The following ADAMTS9 variants were observed in gnomAD, a reference collection of about 807,000 sequenced individuals.
ADAMTS9 encodes the protein ADAM metallopeptidase with thrombospondin type 1 motif 9, also known as A disintegrin and metalloproteinase with thrombospondin motifs 9.
In ADAMTS9, 107 loss-of-function variants were observed where a neutral mutation model predicts 257.1. The ratio of observed to expected loss-of-function variants is 0.42; its 90% CI spans 0.36 to 0.49. The LOEUF is 0.49. Ranked by LOEUF, ADAMTS9 falls within the 20% of genes least tolerant of loss-of-function variation. The pLI is 0.03. For missense variants in ADAMTS9, 2,353 were observed against 2,469.1 expected (o/e 0.95, Z 1.00); for synonymous variants, 982 against 880.9 (o/e 1.11, Z -2.03).
chr3:64,656,066 T>C, intron 4 of ADAMTS9, 191 bp from the exon 5 acceptor site: 1 of 491,300 alleles, frequency 2.0e-6, no homozygotes, highest in Non-Finnish European at 3.7e-6. Flanking sequence ...ATCACAGTTT[T>C]AGATAACAGT....
At chr3:64,625,066 G>A (rs956717983) in intron 16 of ADAMTS9, among the ~76,000 whole-genome samples, 11 of 152,122 alleles carry the variant, frequency 7.2e-5, no homozygotes, top group African/African-American at 2.4e-4. Flanking sequence ...TAGTGAGGAT[G>A]CCCTTGAAAG....
In ADAMTS9 at chr3:64,687,530, G is replaced by C. The variant is rs1462548126; in HGVS notation, c.115+13C>G. The C allele has an allele frequency of 1.3e-6, 2 of 1,520,988 alleles. No homozygotes were observed. Among genetic ancestry groups the C allele is most frequent in the Non-Finnish European group, 1.8e-6 (2 of 1,129,852 alleles). The allele number at this position is 1,520,988 out of a possible 1,614,324, so 94.2% of individuals were successfully genotyped here. On this transcript the variant is annotated intron_variant, in intron 1 of 39. Coordinates refer to ENST00000498707, the MANE Select transcript of ADAMTS9 (RefSeq NM_182920.2). The surrounding 1 kb of genome is among the most constrained non-coding windows in gnomAD (Gnocchi z 4.4). Reference sequence around the variant, plus strand: ...CGGGGCCGGCGGGGTCCCGGGGGCCGGAGCCTGGTTACCTTGCCTCGGGTG... The same window carrying C: ...CGGGGCCGGCGGGGTCCCGGGGGCCCGAGCCTGGTTACCTTGCCTCGGGTG...
intron 16 of ADAMTS9, among the ~76,000 whole-genome samples, chr3:64,624,783 A>G (rs1405262402): frequency 1.3e-5 from 2 of 152,202 alleles, no homozygotes; most frequent in African/African-American, 4.8e-5. Flanking sequence ...ATGGTCAAAT[A>G]CAAATAAATT....
intron 11 of ADAMTS9, among the ~76,000 whole-genome samples, chr3:64,647,388 T>C (rs534842001): frequency 6.6e-6 from 1 of 152,190 alleles, no homozygotes; most frequent in Non-Finnish European, 1.5e-5. Context: ...ATTTTGTTTA[T>C]CTATTAACAA....
intron 30 of ADAMTS9, 33 bp from the exon 31 acceptor site, chr3:64,551,095 C>A: frequency 6.2e-7 from 1 of 1,607,072 alleles, no homozygotes; most frequent in South Asian, 1.1e-5. Context: ...AAGAATAAAC[C>A]GTAGTTCCTT....
At chr3:64,540,880 C>T (rs1243917543) in intron 36 of ADAMTS9, among the ~76,000 whole-genome samples, 2 of 152,214 alleles carry the variant, frequency 1.3e-5, no homozygotes, top group African/African-American at 4.8e-5. Context: ...TTTCCAGGCA[C>T]TGGGGAATAC....
At chr3:64,526,553 A>G (rs57699290) in intron 38 of ADAMTS9, among the ~76,000 whole-genome samples, 10,051 of 152,222 alleles carry the variant, frequency 0.066, 1,200 homozygotes, top group Admixed American at 0.3. Flanking sequence ...TCTTCAGTGA[A>G]GAACTTTCTC....
intron 3 of ADAMTS9, among the ~76,000 whole-genome samples, chr3:64,675,566 C>T (rs1701605127): frequency 6.6e-6 from 1 of 152,114 alleles, no homozygotes; most frequent in Admixed American, 6.6e-5. Flanking sequence ...CTATAGTAAG[C>T]TATGATCGCG....
intron 38 of ADAMTS9, 50 bp downstream of exon 38, chr3:64,533,116 C>T (rs373342915): frequency 4.6e-6 from 7 of 1,519,644 alleles, no homozygotes; most frequent in South Asian, 4.6e-5. Context: ...AAGACAAGAA[C>T]GAAAGAAAGA....
chr3:64,533,749 C>A (rs2106895026), intron 37 of ADAMTS9, among the ~76,000 whole-genome samples: 1 of 152,350 alleles, frequency 6.6e-6, no homozygotes, highest in Admixed American at 6.5e-5. Flanking sequence ...GCGTACTAAG[C>A]ACAGCAGGGC....
intron 16 of ADAMTS9, among the ~76,000 whole-genome samples, chr3:64,629,630 A>T (rs557821209): frequency 1.3e-5 from 2 of 152,364 alleles, no homozygotes; most frequent in East Asian, 3.9e-4. Flanking sequence ...AGCAGCACTT[A>T]TCACTATAAC....
chr3:64,533,655 C>T (rs1250445736), intron 37 of ADAMTS9, among the ~76,000 whole-genome samples: 2 of 152,218 alleles, frequency 1.3e-5, no homozygotes, highest in African/African-American at 4.8e-5. Flanking sequence ...CCTTCAGGAA[C>T]AAAATGTCAC....
Position 64,687,021 on chromosome 3 carries a change from T to G in ADAMTS9, c.116-53A>C. ...CCAATAATTCATTTTTCCTTAAGCT[T>G]TAATTTAAAACGAAGGTGGGGACTT... On this transcript the variant is annotated intron_variant, in intron 1 of 39. Transcript: ENST00000498707. This position sits in a 1 kb window ranked among gnomAD's most constrained non-coding sequence, Gnocchi z 4.4. 1 of 1,555,708 alleles carries G rather than the reference T, an allele frequency of 6.4e-7. No individual in the cohort carries two copies. The highest frequency in any genetic ancestry group is 8.7e-7 in the Non-Finnish European group (1 of 1,152,120).
chr3:64,569,869 G>A (rs151325363), intron 28 of ADAMTS9, among the ~76,000 whole-genome samples: 47 of 152,206 alleles, frequency 3.1e-4, no homozygotes, highest in African/African-American at 1.1e-3. Flanking sequence ...TATACAGGAT[G>A]GAAGGAAGCC....
chr3:64,541,766 G>A, intron 33 of ADAMTS9, 72 bp downstream of exon 33: 1 of 1,590,932 alleles, frequency 6.3e-7, no homozygotes, highest in Non-Finnish European at 8.6e-7. Flanking sequence ...TCTAAAAAGG[G>A]CAGGCAATCA....
chr3:64,525,129 A>G (rs1012624587), intron 38 of ADAMTS9, among the ~76,000 whole-genome samples: 1 of 152,328 alleles, frequency 6.6e-6, no homozygotes, highest in South Asian at 2.1e-4. Context: ...ACCTTGTTAA[A>G]ACCTGGGAGT....
At chr3:64,585,833 T>G (rs2084134356) in intron 28 of ADAMTS9, among the ~76,000 whole-genome samples, 1 of 152,188 alleles carries the variant, frequency 6.6e-6, no homozygotes, top group African/African-American at 2.4e-5. Flanking sequence ...CTTGCTCTTT[T>G]ACTTGGTTTG....
At chr3:64,603,846 GC>G in intron 25 of ADAMTS9, 75 bp downstream of exon 25, 1 of 1,470,880 alleles carries the variant, frequency 6.8e-7, no homozygotes. Context: ...TCCAAGTGGC[GC>G]CCCCCTCCGC....
intron 11 of ADAMTS9, among the ~76,000 whole-genome samples, chr3:64,647,124 T>A (rs1317515360): frequency 6.6e-6 from 1 of 151,854 alleles, no homozygotes; most frequent in Non-Finnish European, 1.5e-5. Flanking sequence ...TATATAAGGA[T>A]AACAAAACAC....
Sources: allele counts gnomAD v4.1 joint callset (sites outside exome capture counted in the v4.1 genomes callset), GRCh38; gene constraint gnomAD v4.1.1; non-coding constraint Gnocchi (gnomAD v3.1); transcripts MANE v1.5; gene names NCBI Gene and HGNC (gene_info 2026-07-23, HGNC 2026-07-21).